The following MID1 variants were observed in gnomAD, a reference collection of about 807,000 sequenced individuals.
MID1 encodes the protein midline 1, also known as E3 ubiquitin-protein ligase Midline-1.
In MID1, 7 loss-of-function variants were observed where a neutral mutation model predicts 40.4. The ratio of observed to expected loss-of-function variants is 0.17; its 90% CI spans 0.10 to 0.33. The LOEUF is 0.33. MID1 is among the 10% of genes least tolerant of loss of function. MID1 has a pLI of 1.00. For synonymous variants in MID1, 229 were observed against 221.2 expected (o/e 1.04, Z -0.31); for missense variants, 367 against 558.5 (o/e 0.66, Z 3.46).
chrX:10,631,596 G>A (rs1325056128), intron 1 of MID1, among the ~76,000 whole-genome samples: 1 of 111,850 alleles, frequency 8.9e-6, no homozygotes, highest in Non-Finnish European at 1.9e-5. Context: ...AAACAAAAAC[G>A]TCAAAGAGTC....
chrX:10,782,273 A>G (rs1224434768), intron 1 of MID1, among the ~76,000 whole-genome samples: 1 of 111,290 alleles, frequency 9.0e-6, no homozygotes, highest in East Asian at 2.8e-4. Flanking sequence ...TATGACCTCA[A>G]TGTGTTTGGC....
chrX:10,785,779 A>G (rs1460393735), intron 1 of MID1, among the ~76,000 whole-genome samples: 1 of 112,052 alleles, frequency 8.9e-6, no homozygotes, highest in Non-Finnish European at 1.9e-5. Flanking sequence ...GAAAGCTGAA[A>G]CTGGATCCCT....
At chrX:10,492,103 C>A (rs1268154487) in intron 4 of MID1, among the ~76,000 whole-genome samples, 1 of 111,249 alleles carries the variant, frequency 9.0e-6, no homozygotes, top group Admixed American at 9.5e-5. Context: ...TCATTTCCTT[C>A]TTTTGTGGCT....
intron 1 of MID1, among the ~76,000 whole-genome samples, chrX:10,795,962 C>T (rs1364682304): frequency 8.9e-6 from 1 of 111,788 alleles, no homozygotes; most frequent in Non-Finnish European, 1.9e-5. Context: ...TCTGCCTTTA[C>T]TTGGTACAGG....
At chrX:10,686,104 C>T (rs1175048495) in intron 1 of MID1, among the ~76,000 whole-genome samples, 2 of 111,674 alleles carry the variant, frequency 1.8e-5, no homozygotes, top group Non-Finnish European at 3.8e-5. Context: ...AATGTGAAGA[C>T]TCTGATCCTG....
At chrX:10,617,633 A>G (rs1935860966) in intron 1 of MID1, among the ~76,000 whole-genome samples, 1 of 112,286 alleles carries the variant, frequency 8.9e-6, no homozygotes, top group Admixed American at 9.4e-5. Flanking sequence ...CCCCAGCTCA[A>G]GAATGAACTA....
chrX:10,580,173 C>T (rs1246434160), intron 1 of MID1, among the ~76,000 whole-genome samples: 1 of 105,852 alleles, frequency 9.4e-6, no homozygotes, highest in Non-Finnish European at 1.9e-5. Context: ...GCCTTCAAAT[C>T]ACATTCAATC....
intron 1 of MID1, among the ~76,000 whole-genome samples, chrX:10,827,444 C>T (rs2044222927): frequency 1.0e-5 from 1 of 99,190 alleles, no homozygotes; most frequent in African/African-American, 3.7e-5. Flanking sequence ...TCCTGCTCCC[C>T]CCGTCCCCCC....
At chrX:10,777,537 T>C (rs2043813077) in intron 1 of MID1, among the ~76,000 whole-genome samples, 1 of 108,360 alleles carries the variant, frequency 9.2e-6, no homozygotes, top group South Asian at 4.0e-4. Context: ...TCTTTTCTTT[T>C]CTTTTCTTTT....
At chrX:10,521,179 G>A (rs1429675780) in intron 3 of MID1, among the ~76,000 whole-genome samples, 1 of 109,704 alleles carries the variant, frequency 9.1e-6, no homozygotes, top group Non-Finnish European at 1.9e-5. Flanking sequence ...GATCTTGTGA[G>A]AACTCACTCA....
At chrX:10,657,909 T>C (rs1371748981) in intron 1 of MID1, among the ~76,000 whole-genome samples, 1 of 112,153 alleles carries the variant, frequency 8.9e-6, no homozygotes, top group African/African-American at 3.2e-5. Context: ...TTTTTTGGAA[T>C]TAGTACAGAA....
intron 1 of MID1, among the ~76,000 whole-genome samples, chrX:10,668,285 G>T (rs772488073): frequency 9.0e-6 from 1 of 111,696 alleles, no homozygotes; most frequent in African/African-American, 3.2e-5. Flanking sequence ...TATTCATGTC[G>T]TTCTAATACA....
intron 7 of MID1, among the ~76,000 whole-genome samples, chrX:10,461,098 ATATG>A (rs1929002532): frequency 9.6e-6 from 1 of 104,182 alleles, no homozygotes; most frequent in African/African-American, 3.6e-5. Flanking sequence ...ATATATATAT[ATATG>A]TATGTATGTA....
At chrX:10,692,928 C>T (rs961290718) in intron 1 of MID1, among the ~76,000 whole-genome samples, 10 of 110,972 alleles carry the variant, frequency 9.0e-5, no homozygotes, top group Non-Finnish European at 1.5e-4. Flanking sequence ...AAGGATAGTT[C>T]GAAGGTAACT....
chrX:10,449,823 C>T, intron 9 of MID1, 107 bp from the exon 10 acceptor site: 1 of 616,043 alleles, frequency 1.6e-6, no homozygotes, highest in Non-Finnish European at 2.7e-6. Context: ...CATTTGTTGT[C>T]CCTGTTCATT....
chrX:10,801,408 T>C (rs2044006434), intron 1 of MID1, among the ~76,000 whole-genome samples: 1 of 111,888 alleles, frequency 8.9e-6, no homozygotes, highest in Non-Finnish European at 1.9e-5. Context: ...TTATTCACTA[T>C]ACTAAGTGAG....
At chrX:10,616,662 C>T (rs749470754) in intron 1 of MID1, among the ~76,000 whole-genome samples, 1 of 112,431 alleles carries the variant, frequency 8.9e-6, no homozygotes, top group African/African-American at 3.2e-5. Context: ...TGCTTGTAGC[C>T]TATGCGGTCT....
rs191511885 is a variant in MID1, at chrX:10,572,909, C to T, written c.-56-5306G>A. On this transcript the variant is annotated intron_variant, in intron 1 of 9. Transcript: ENST00000317552. ...AAAGGGGAGAGAGCTGGACAGGTGA[C>T]GGGATAATCTAAGACATCCTGCAGT... Among the ~76,000 whole-genome samples, 37 of 111,510 alleles carry T rather than the reference C, an allele frequency of 3.3e-4. No individual in the cohort carries two copies. The East Asian group carries it at 5.4e-3, about 16-fold the overall frequency.
At chrX:10,559,920 TCA>T (rs760923067) in intron 2 of MID1, among the ~76,000 whole-genome samples, 22 of 108,548 alleles carry the variant, frequency 2.0e-4, no homozygotes, top group African/African-American at 7.4e-4. Flanking sequence ...TCTTGCTCTG[TCA>T]CCCAGGTTGG....
Sources: allele counts gnomAD v4.1 joint callset (sites outside exome capture counted in the v4.1 genomes callset), GRCh38; gene constraint gnomAD v4.1.1; transcripts MANE v1.5; gene names NCBI Gene and HGNC (gene_info 2026-07-23, HGNC 2026-07-21).